Variants in STX18 observed in about 807,000 individuals in gnomAD.
STX18 encodes syntaxin 18.
In STX18, 40 loss-of-function variants were observed where a neutral mutation model predicts 50.1. That is an observed-to-expected ratio of 0.80 (90% CI 0.62 to 1.04). The LOEUF (loss-of-function observed/expected upper bound fraction) is 1.04. STX18 is among the 50% of genes least tolerant of loss of function. STX18 has a pLI of 0.00. For missense variants in STX18, 410 were observed against 415.8 expected (o/e 0.99, Z 0.12); for synonymous variants, 158 against 151.8 (o/e 1.04, Z -0.30).
chr4:4,475,013 A>C (rs1464155305), intron 1 of STX18, among the ~76,000 whole-genome samples: 1 of 152,174 alleles, frequency 6.6e-6, no homozygotes, highest in Admixed American at 6.5e-5. Context: ...TTTTCCATAC[A>C]AAGTTTTGAA....
chr4:4,453,679 T>C (rs1726900148), intron 5 of STX18: 1 of 983,474 alleles, frequency 1.0e-6, no homozygotes, highest in Non-Finnish European at 1.2e-6. Flanking sequence ...AGGCTCTGGG[T>C]AGAAAGAAGA....
Position 4,541,925 on chromosome 4 carries a change from T to C in STX18, c.40A>G (p.Lys14Glu), listed in dbSNP as rs759143592. The change falls in exon 1 of 11, where the codon AAG (lysine) becomes GAG (glutamate). Residue 14 changes from lysine to glutamate, a missense_variant. Physicochemically the swap from Lys to Glu is moderately conservative, Grantham distance 56 (BLOSUM62 1). Coordinates refer to ENST00000306200, the MANE Select transcript of STX18 (RefSeq NM_016930.4). ...GCCTTGTTCCGCGTCTTCACGGTCT[T>C]GACGCTGGCCCGGAATAGCAGCGTG... Reference protein sequence around the residue: ...DITLLFRASVKTVKTRNKALG... With the variant: ...DITLLFRASVETVKTRNKALG... The C allele has an allele frequency of 1.2e-6, 2 of 1,609,612 alleles. No individual in the cohort carries two copies. Among genetic ancestry groups the C allele is most frequent in the African/African-American group, 2.7e-5 (2 of 74,884 alleles).
chr4:4,528,658 C>A (rs1350910414), intron 1 of STX18, among the ~76,000 whole-genome samples: 1 of 152,238 alleles, frequency 6.6e-6, no homozygotes, highest in Non-Finnish European at 1.5e-5. Context: ...GGCTAAACTG[C>A]ATCTTTCGGA....
chr4:4,478,982 G>C (rs1466805782), intron 1 of STX18: 4 of 152,590 alleles, frequency 2.6e-5, no homozygotes, highest in Non-Finnish European at 5.9e-5. Context: ...GGACTGGGAA[G>C]AAAGGGATAT....
intron 1 of STX18, among the ~76,000 whole-genome samples, chr4:4,533,639 T>C (rs890899961): frequency 1.3e-5 from 2 of 152,232 alleles, no homozygotes; most frequent in African/African-American, 4.8e-5. Flanking sequence ...ATATCTGCCC[T>C]AACAGATGGC....
chr4:4,423,443 G>GA lies in STX18; in HGVS notation c.831+74dup, dbSNP rs1285198211. 5.5e-6 allele frequency: 8 copies of GA among 1,465,578 alleles called. No individual in the cohort carries two copies. The East Asian group carries it at 9.1e-5, about 17-fold the overall frequency. 90.8% of individuals were successfully genotyped at this position (1,465,578 alleles called of 1,614,324 possible). A position where few individuals can be genotyped will look rare whatever the true frequency, so the allele number is the denominator to read the frequency against. On this transcript the variant is annotated intron_variant, in intron 9 of 10. Coordinates refer to ENST00000306200, the MANE Select transcript of STX18 (RefSeq NM_016930.4). ...GGCTGTGTAGAGCAGCAGCCTTTGG[G>GA]AAAAATGTCTCGTGCTCTCAAGTAC... is the stretch of plus-strand genomic sequence containing the variant.
intron 2 of STX18, among the ~76,000 whole-genome samples, chr4:4,469,430 A>G (rs2108832831): frequency 6.6e-6 from 1 of 152,300 alleles, no homozygotes; most frequent in East Asian, 1.9e-4. Context: ...ATGAAGCGAC[A>G]GGGCCTGTTG....
At chr4:4,535,602 C>T (rs1159557225) in intron 1 of STX18, among the ~76,000 whole-genome samples, 3 of 152,118 alleles carry the variant, frequency 2.0e-5, no homozygotes. Flanking sequence ...AACCTCTCTC[C>T]CCAAACCTCT....
chr4:4,436,981 C>T (rs1174862168), intron 6 of STX18, among the ~76,000 whole-genome samples: 18 of 104,888 alleles, frequency 1.7e-4, no homozygotes, highest in Non-Finnish European at 2.7e-4. Context: ...TTTTTTGAGA[C>T]GGAATTTCGC....
intron 1 of STX18, among the ~76,000 whole-genome samples, chr4:4,481,182 A>G (rs1728439842): frequency 6.6e-6 from 1 of 152,226 alleles, no homozygotes; most frequent in Admixed American, 6.5e-5. Flanking sequence ...CTTCTCAAAG[A>G]GCGACCGCAT....
chr4:4,522,176 CA>C (rs1289795413), intron 1 of STX18, among the ~76,000 whole-genome samples: 1 of 152,160 alleles, frequency 6.6e-6, no homozygotes, highest in East Asian at 1.9e-4. Context: ...TTTCACATGT[CA>C]GTTGTTAGCA....
At chr4:4,498,857 C>G (rs1729311571) in intron 1 of STX18, among the ~76,000 whole-genome samples, 1 of 152,116 alleles carries the variant, frequency 6.6e-6, no homozygotes, top group African/African-American at 2.4e-5. Context: ...TACAGAATTT[C>G]TTTCTCTGAA....
At chr4:4,464,537 A>G (rs1727527711) in intron 2 of STX18, among the ~76,000 whole-genome samples, 1 of 152,072 alleles carries the variant, frequency 6.6e-6, no homozygotes, top group Non-Finnish European at 1.5e-5. Flanking sequence ...TTCTTGCTTT[A>G]CCTAGGTAAC....
upstream of STX18, chr4:4,542,116 C>T: frequency 1.9e-6 from 2 of 1,034,594 alleles, no homozygotes; most frequent in South Asian, 4.5e-5. Context: ...CTGCGCCCTG[C>T]TACCGCGGCG....
chr4:4,457,252 A>T lies in STX18; in HGVS notation c.436T>A (p.Cys146Ser). The change falls in exon 5 of 11, where the codon TGT (cysteine) becomes AGT (serine). Residue 146 changes from cysteine (C) to serine (S), a missense_variant. By Grantham distance (112) the Cys-to-Ser change is moderately radical. Transcript: ENST00000306200. The stretch of plus-strand genomic sequence containing the variant: ...GCTCTCTGTTCTGAGTAAAGTTTAC[A>T]TACTCCTGTTGCAGAAGAAAATACC... ...DFIEDYLKRV[C>S]KLYSEQRAIR... is the part of the protein sequence containing the mutation. 6.2e-7 allele frequency: 1 copy of T among 1,614,066 alleles called. No individual in the cohort carries two copies. The highest frequency in any genetic ancestry group is 1.1e-5 in the South Asian group (1 of 91,084).
chr4:4,425,083 G>T, intron 8 of STX18, 81 bp downstream of exon 8: 1 of 1,336,672 alleles, frequency 7.5e-7, no homozygotes, highest in Non-Finnish European at 1.1e-6. Context: ...GGGATGCCTG[G>T]GCACCAAGGT....
At chr4:4,444,400 T>C (rs62289810) in intron 5 of STX18, among the ~76,000 whole-genome samples, 13,399 of 152,250 alleles carry the variant, frequency 0.088, 632 homozygotes, top group African/African-American at 0.12. Flanking sequence ...CTGAGTTAAC[T>C]ACGGCCTGCT....
In STX18 at chr4:4,537,691, T is replaced by C. The variant is rs79743526; in HGVS notation, c.168+4106A>G. On this transcript the variant is annotated intron_variant, in intron 1 of 10. Coordinates refer to ENST00000306200, the MANE Select transcript of STX18 (RefSeq NM_016930.4). ...AAGAACTCGGACTCATGTAGGCACC[T>C]GCATACCTTTTCTTATTTCACCTAA... Among the ~76,000 whole-genome samples the C allele has an allele frequency of 1.2e-3, 186 of 152,348 alleles. 2 individuals are homozygous for C. The highest frequency in any genetic ancestry group is 5.2e-3 in the East Asian group (27 of 5,190).
At chr4:4,530,200 T>C (rs941612723) in intron 1 of STX18, among the ~76,000 whole-genome samples, 8 of 152,114 alleles carry the variant, frequency 5.3e-5, no homozygotes, top group Admixed American at 2.0e-4. Context: ...TTCTGGATGA[T>C]AGAAGCAGAA....
Sources: allele counts gnomAD v4.1 joint callset (sites outside exome capture counted in the v4.1 genomes callset), GRCh38; gene constraint gnomAD v4.1.1; transcripts MANE v1.5; gene names NCBI Gene and HGNC (gene_info 2026-07-23, HGNC 2026-07-21).